The following ADAMTS13 variants were observed in gnomAD, a reference collection of about 807,000 sequenced individuals.
ADAMTS13 encodes the protein ADAM metallopeptidase with thrombospondin type 1 motif 13.
A neutral mutation model predicts 155.1 loss-of-function variants in ADAMTS13; 110 were observed. The ratio of observed to expected loss-of-function variants is 0.71; its 90% CI spans 0.61 to 0.83. ADAMTS13 has a LOEUF of 0.83. Among genes scored for constraint, ADAMTS13 ranks in the 40% least tolerant of loss-of-function variants. The pLI is 0.00. For missense variants in ADAMTS13, 1,707 were observed against 1,891.7 expected (o/e 0.90, Z 1.81); for synonymous variants, 758 against 756.4 (o/e 1.00, Z -0.03).
At chr9:133,433,020 A>G (rs914532231) in intron 9 of ADAMTS13, among the ~76,000 whole-genome samples, 33 of 138,162 alleles carry the variant, frequency 2.4e-4, no homozygotes, top group African/African-American at 9.0e-4. Context: ...GTGAGTGTAG[A>G]GTCCCTGTGG....
exon 1 of ADAMTS13, chr9:133,414,364 G>A: frequency 1.7e-6 from 1 of 594,846 alleles, no homozygotes; most frequent in South Asian, 1.5e-5. Flanking sequence ...CACCCAACTG[G>A]CGAGAAGCAG....
rs587744040 is a variant in ADAMTS13 at position 133,447,383 on chromosome 9, C to G, written c.2732-1216C>G. Reference sequence around the variant, plus strand: ...CTTAGCTCACTACAACCTCCACCACCTGGGCTGAAGCCATCCTCCCCCCTC... The same window carrying G: ...CTTAGCTCACTACAACCTCCACCACGTGGGCTGAAGCCATCCTCCCCCCTC... On this transcript the variant is annotated intron_variant, in intron 21 of 28. Coordinates refer to ENST00000355699, the MANE Select transcript of ADAMTS13 (RefSeq NM_139027.6). Among the ~76,000 whole-genome samples the G allele has an allele frequency of 7.4e-4, 112 of 152,296 alleles. 1 individual carries two copies. Among genetic ancestry groups the G allele is most frequent in the African/African-American group, 2.3e-3 (97 of 41,548 alleles).
At chr9:133,415,032 C>G in intron 1 of ADAMTS13, 1 of 1,559,758 alleles carries the variant, frequency 6.4e-7, no homozygotes, top group Non-Finnish European at 8.6e-7. Context: ...AAATAAAATA[C>G]ATGCTGCATT....
intron 11 of ADAMTS13, among the ~76,000 whole-genome samples, chr9:133,435,159 G>A (rs959215228): frequency 1.3e-5 from 2 of 151,484 alleles, no homozygotes; most frequent in African/African-American, 2.4e-5. Context: ...TTACTGGATC[G>A]TATGGGAATT....
chr9:133,443,393 T>C lies in ADAMTS13; in HGVS notation c.2252T>C (p.Phe751Ser). ...TTCCTCAGCTGGGCGGTGGGAGACT[T>C]CGGCCCATGCAGCGCCTCCTGTGGG... ...PCPPYWAVGD[F>S]GPCSASCGGG... The change falls in exon 19 of 29, where the codon TTC becomes TCC. Residue 751 changes from phenylalanine to serine, a missense_variant. Physicochemically the swap from Phe to Ser is radical, Grantham distance 155. Transcript: ENST00000355699. 6.3e-7 allele frequency: 1 copy of C among 1,598,250 alleles called. No homozygotes were observed. Among genetic ancestry groups the C allele is most frequent in the African/African-American group, 1.3e-5 (1 of 74,970 alleles).
chr9:133,426,173 C>T lies in ADAMTS13; in HGVS notation c.540-26C>T, dbSNP rs1554785207. On this transcript the variant is annotated intron_variant, in intron 5 of 28. Coordinates refer to ENST00000355699, the MANE Select transcript of ADAMTS13 (RefSeq NM_139027.6). ...GGGCAGGCACGTGCCTTGGCACCAC[C>T]CAAGTGACTGTTTTCTCTCACCGAG... is the stretch of plus-strand genomic sequence containing the variant. 5.0e-6 allele frequency: 8 copies of T among 1,614,014 alleles called. No individual in the cohort carries two copies. The East Asian group carries it at 1.1e-4, about 22-fold the overall frequency.
At position 133,449,876 on chromosome 9, in the gene ADAMTS13, T is replaced by C. The variant is rs782146228; in HGVS notation, c.2955T>C (p.Asp985=). 6.2e-6 allele frequency: 10 copies of C among 1,613,868 alleles called. 1 individual carries two copies. The South Asian group carries it at 8.8e-5, about 14-fold the overall frequency. Residue 985 remains aspartate, a synonymous_variant, in exon 23 of 29, where the codon GAT becomes GAC. Coordinates refer to ENST00000355699, the MANE Select transcript of ADAMTS13 (RefSeq NM_139027.6). ...GTGCCCGGGCCCATGGGGAGGACGA[T>C]GGTGAGGAGATCCTGTTGGACACCC... ...LYCARAHGED[D]GEEILLDTQC...
upstream of ADAMTS13, among the ~76,000 whole-genome samples, chr9:133,419,534 G>T (rs1839859001): frequency 6.6e-6 from 1 of 152,156 alleles, no homozygotes; most frequent in Non-Finnish European, 1.5e-5. Context: ...GGTGCTGGGG[G>T]CTCTCCAGGG....
rs964828026 is a variant in ADAMTS13, at chr9:133,441,110, C to T, written c.1968+585C>T. 2.6e-5 allele frequency among the ~76,000 whole-genome samples: 4 copies of T among 152,142 alleles called. No homozygotes were observed. The highest frequency in any genetic ancestry group is 4.4e-5 in the Non-Finnish European group (3 of 68,012). On this transcript the variant is annotated intron_variant, in intron 16 of 28. Transcript: ENST00000355699. The surrounding 1 kb of genome is among the most constrained non-coding windows in gnomAD (Gnocchi z 5.0). ...AGGCGTGTCCTCAGTGACGTGTGCTCGCCCATGTATGTCCCCATTGGTGCT... is the reference window on the plus strand; with the variant it reads ...AGGCGTGTCCTCAGTGACGTGTGCTTGCCCATGTATGTCCCCATTGGTGCT...
intron 28 of ADAMTS13, 56 bp from the exon 29 acceptor site, chr9:133,458,918 G>A (rs1008228707): frequency 2.3e-4 from 355 of 1,512,044 alleles, no homozygotes; most frequent in Non-Finnish European, 5.8e-5. Flanking sequence ...GAAGGCTTCC[G>A]TGAGTGCTAA....
rs1554792111 is a variant in ADAMTS13, at chr9:133,445,020, G to T, written c.2578G>T (p.Val860Phe). 6.2e-7 allele frequency: 1 copy of T among 1,613,434 alleles called. No individual in the cohort carries two copies. The highest frequency in any genetic ancestry group is 1.7e-5 in the Admixed American group (1 of 60,020). The change falls in exon 20 of 29, where the codon GTC becomes TTC. Residue 860 changes from valine (V) to phenylalanine (F), a missense_variant. By Grantham distance (50) the Val-to-Phe change is conservative. Transcript: ENST00000355699. This position sits in a 1 kb window ranked among gnomAD's most constrained non-coding sequence, Gnocchi z 5.0. ...DEKLPAPEPC[V>F]GMSCPPGWGH... ...GAAGCTGCCTGCCCCTGAGCCCTGT[G>T]TCGGGATGTCATGTCCTCCAGGCTG...
chr9:133,443,397 C>G lies in ADAMTS13; in HGVS notation c.2256C>G (p.Gly752=). The G allele has an allele frequency of 6.3e-7, 1 of 1,598,474 alleles. No individual in the cohort carries two copies. The highest frequency in any genetic ancestry group is 8.5e-7 in the Non-Finnish European group (1 of 1,177,734). The change falls in exon 19 of 29, where the codon GGC becomes GGG. Residue 752 remains glycine, a synonymous_variant. Coordinates refer to ENST00000355699, the MANE Select transcript of ADAMTS13 (RefSeq NM_139027.6). ...TCAGCTGGGCGGTGGGAGACTTCGG[C>G]CCATGCAGCGCCTCCTGTGGGGGTG... ...CPPYWAVGDF[G]PCSASCGGGL... is the part of the protein sequence containing the mutation.
At chr9:133,433,756 G>T in intron 11 of ADAMTS13, 52 bp downstream of exon 11, 1 of 1,599,512 alleles carries the variant, frequency 6.3e-7, no homozygotes, top group Non-Finnish European at 8.5e-7. Context: ...CCGGGCCCTG[G>T]GGGAGCCAAA....
At chr9:133,417,016 G>A (rs782213899), upstream of ADAMTS13, among the ~76,000 whole-genome samples, 38 of 152,054 alleles carry the variant, frequency 2.5e-4, no homozygotes, top group Admixed American at 9.8e-4. Flanking sequence ...GTGTTCTTTC[G>A]TTGTTGTTGT....
chr9:133,432,567 C>T (rs1840848350), intron 8 of ADAMTS13, 21 bp from the exon 9 acceptor site: 1 of 1,548,034 alleles, frequency 6.5e-7, no homozygotes, highest in East Asian at 2.4e-5. Context: ...GAGCTCGCCA[C>T]CCACCTGTCC....
At chr9:133,443,340 C>A in intron 18 of ADAMTS13, 36 bp from the exon 19 acceptor site, 1 of 1,571,490 alleles carries the variant, frequency 6.4e-7, no homozygotes, top group Non-Finnish European at 8.6e-7. Context: ...AGCCTGGGAC[C>A]TGGCCAGGGT....
At chr9:133,417,872 C>T (rs1554782081), upstream of ADAMTS13, 3 of 1,591,232 alleles carry the variant, frequency 1.9e-6, no homozygotes, top group Non-Finnish European at 1.7e-6. Flanking sequence ...CCTGGGCCGG[C>T]GGCCACCCGA....
chr9:133,450,123 C>A (rs944791320), intron 23 of ADAMTS13, among the ~76,000 whole-genome samples, 158 bp downstream of exon 23: 12 of 151,962 alleles, frequency 7.9e-5, no homozygotes, highest in African/African-American at 2.7e-4. Flanking sequence ...CACAGTGAGA[C>A]CTCATCTCTA....
intron 19 of ADAMTS13, among the ~76,000 whole-genome samples, chr9:133,444,646 AGC>A (rs1394884701): frequency 6.6e-6 from 1 of 152,028 alleles, no homozygotes; most frequent in East Asian, 1.9e-4. Context: ...CTGACTGTTG[AGC>A]AGCGAGTGCT....
Sources: gnomAD v4.1 joint callset for allele counts (sites outside exome capture counted in the v4.1 genomes callset) on GRCh38, gnomAD v4.1.1 for gene constraint, Gnocchi (gnomAD v3.1) non-coding constraint, MANE v1.5 for transcripts, NCBI Gene and HGNC (gene_info 2026-07-23, HGNC 2026-07-21) for gene names.